MUSK: variants seen among roughly 807,000 people sequenced by gnomAD.
MUSK encodes the protein muscle, skeletal receptor tyrosine-protein kinase.
In MUSK, 55 loss-of-function variants were observed where a neutral mutation model predicts 88.7. The ratio of observed to expected loss-of-function variants is 0.62; its 90% CI spans 0.50 to 0.78. The LOEUF (loss-of-function observed/expected upper bound fraction) is 0.78. MUSK is among the 30% of genes least tolerant of loss of function. MUSK has a pLI of 0.00. For synonymous variants in MUSK, 387 were observed against 391.9 expected, an observed-to-expected ratio of 0.99 and a Z score of 0.15; for missense variants, 1,015 against 1,074.3, an observed-to-expected ratio of 0.94 and a Z score of 0.77.
chr9:110,801,013 C>T lies in MUSK; in HGVS notation c.*25C>T, dbSNP rs2078090241. On this transcript the variant is annotated 3_prime_UTR_variant, in exon 15 of 15. Transcript: ENST00000374448. ...AGGTTGAAGACGTTCAAATAAAATG[C>T]TGCAGTTTCCTCTCAGACTCTGTGA... is the stretch of plus-strand genomic sequence containing the variant. 6.7e-7 allele frequency: 1 copy of T among 1,489,214 alleles called. No homozygotes were observed. The highest frequency in any genetic ancestry group is 8.9e-7 in the Non-Finnish European group (1 of 1,124,338). 92.3% of individuals were successfully genotyped at this position (1,489,214 alleles called of 1,614,324 possible).
At chr9:110,749,173 T>C (rs1377346136) in intron 7 of MUSK, among the ~76,000 whole-genome samples, 5 of 152,146 alleles carry the variant, frequency 3.3e-5, no homozygotes, top group African/African-American at 1.2e-4. Flanking sequence ...TTGTGTTGGG[T>C]AGAGTAAGAG....
chr9:110,757,213 C>G (rs1231131651), intron 7 of MUSK, among the ~76,000 whole-genome samples: 1 of 151,868 alleles, frequency 6.6e-6, no homozygotes, highest in Non-Finnish European at 1.5e-5. Flanking sequence ...TATCCCAGCA[C>G]TTTGGGAGGC....
chr9:110,696,886 G>A (rs1006357016), intron 4 of MUSK, among the ~76,000 whole-genome samples: 36 of 151,570 alleles, frequency 2.4e-4, no homozygotes, highest in African/African-American at 7.3e-4. Flanking sequence ...ATTTTAGCGT[G>A]CCTATTACCT....
intron 1 of MUSK, among the ~76,000 whole-genome samples, chr9:110,676,398 T>C (rs1486417172): frequency 7.1e-6 from 1 of 140,402 alleles, no homozygotes; most frequent in Admixed American, 7.0e-5. Context: ...TAATTTTATT[T>C]TGTAAATTTT....
At chr9:110,779,000 T>C (rs2077710789) in intron 11 of MUSK, among the ~76,000 whole-genome samples, 1 of 151,482 alleles carries the variant, frequency 6.6e-6, no homozygotes, top group African/African-American at 2.4e-5. Context: ...CAGACCATTT[T>C]TCCATAATGA....
In MUSK at chr9:110,787,679, GTA is replaced by G; in HGVS notation, c.1779-9_1779-8del. On this transcript the variant is annotated splice_polypyrimidine_tract_variant and intron_variant, in intron 13 of 14. Coordinates refer to ENST00000374448, the MANE Select transcript of MUSK (RefSeq NM_005592.4). ...ATCTTTGGTTTCTTTTTCAATAAAT[GTA>G]TCTCTCAGGGCACCAGGCTTACTTC... 1 of 1,609,680 alleles carries G rather than the reference GTA, an allele frequency of 6.2e-7. No homozygotes were observed. The highest frequency in any genetic ancestry group is 8.5e-7 in the Non-Finnish European group (1 of 1,178,640).
intron 7 of MUSK, among the ~76,000 whole-genome samples, chr9:110,749,526 C>G (rs1187914534): frequency 6.6e-6 from 1 of 152,060 alleles, no homozygotes; most frequent in Non-Finnish European, 1.5e-5. Context: ...TTATGAAGAG[C>G]CTGCATAGGT....
intron 9 of MUSK, among the ~76,000 whole-genome samples, chr9:110,769,665 T>C (rs143340432): frequency 1.3e-5 from 2 of 152,326 alleles, no homozygotes; most frequent in South Asian, 4.1e-4. Context: ...TCTCCAAAAT[T>C]GTTTATTTGA....
At chr9:110,780,354 A>G (rs775004875) in intron 11 of MUSK, among the ~76,000 whole-genome samples, 1 of 152,112 alleles carries the variant, frequency 6.6e-6, no homozygotes, top group Non-Finnish European at 1.5e-5. Context: ...GACTGCTTGG[A>G]TCTTCTTCCT....
intron 11 of MUSK, among the ~76,000 whole-genome samples, chr9:110,778,340 C>G (rs559706059): frequency 6.6e-6 from 1 of 152,218 alleles, no homozygotes; most frequent in East Asian, 1.9e-4. Flanking sequence ...ACTTCACATA[C>G]TTTATTACAG....
At chr9:110,711,450 G>A (rs979017285) in intron 5 of MUSK, among the ~76,000 whole-genome samples, 1 of 152,160 alleles carries the variant, frequency 6.6e-6, no homozygotes, top group African/African-American at 2.4e-5. Context: ...AGCCTTGCAG[G>A]TTGTAAGGGA....
At chr9:110,787,110 C>T (rs2077882109) in intron 13 of MUSK, among the ~76,000 whole-genome samples, 1 of 152,118 alleles carries the variant, frequency 6.6e-6, no homozygotes, top group African/African-American at 2.4e-5. Flanking sequence ...CACCTGTAAT[C>T]CCCGCAGTTT....
chr9:110,675,541 G>GTAGT (rs2076015670), intron 1 of MUSK, among the ~76,000 whole-genome samples: 1 of 123,506 alleles, frequency 8.1e-6, no homozygotes, highest in Non-Finnish European at 1.7e-5. Flanking sequence ...CTCTTAATGT[G>GTAGT]TAGTTGCTCA....
At chr9:110,746,325 C>T (rs985487882) in intron 6 of MUSK, among the ~76,000 whole-genome samples, 1 of 152,142 alleles carries the variant, frequency 6.6e-6, no homozygotes, top group Non-Finnish European at 1.5e-5. Flanking sequence ...AAAATGCCAC[C>T]ACCTTAACAA....
intron 5 of MUSK, chr9:110,728,279 C>G (rs1395343028): frequency 5.6e-6 from 1 of 177,046 alleles, no homozygotes; most frequent in Non-Finnish European, 1.2e-5. Flanking sequence ...ACACCACTGA[C>G]TTCACAGCAG....
intron 5 of MUSK, among the ~76,000 whole-genome samples, chr9:110,717,598 C>A (rs1282771002): frequency 6.7e-6 from 1 of 150,002 alleles, no homozygotes; most frequent in Non-Finnish European, 1.5e-5. Flanking sequence ...TTTCCAATTT[C>A]TTATTTCTGA....
At chr9:110,764,541 A>G (rs2077445895) in intron 8 of MUSK, among the ~76,000 whole-genome samples, 1 of 152,130 alleles carries the variant, frequency 6.6e-6, no homozygotes, top group Admixed American at 6.5e-5. Context: ...CACTGAAACT[A>G]TAGGTAGTTG....
intron 5 of MUSK, among the ~76,000 whole-genome samples, chr9:110,715,071 G>A (rs2076727920): frequency 6.7e-6 from 1 of 149,666 alleles, no homozygotes; most frequent in Admixed American, 6.6e-5. Context: ...CTAGGATACA[G>A]CCAGCTAAAG....
chr9:110,772,985 G>GT (rs1188505891), intron 9 of MUSK, among the ~76,000 whole-genome samples: 10 of 151,594 alleles, frequency 6.6e-5, no homozygotes, highest in Non-Finnish European at 7.4e-5. Flanking sequence ...AAGTAATTGT[G>GT]TTTTTTTTCC....
Sources: gnomAD v4.1 joint callset for allele counts (sites outside exome capture counted in the v4.1 genomes callset) on GRCh38, gnomAD v4.1.1 for gene constraint, MANE v1.5 for transcripts, NCBI Gene and HGNC (gene_info 2026-07-23, HGNC 2026-07-21) for gene names.